Variants in PSKH1 observed in about 807,000 individuals in gnomAD.
PSKH1 encodes the protein protein serine kinase H1, also known as serine/threonine-protein kinase H1.
Under a neutral mutation model 26.7 loss-of-function variants are expected in PSKH1, and 12 were observed. The observed-to-expected ratio is 0.45, with a 90% CI of 0.29 to 0.73. PSKH1 has a LOEUF of 0.73. Ranked by LOEUF, PSKH1 falls within the 30% of genes least tolerant of loss-of-function variation. PSKH1 has a pLI of 0.11. For missense variants in PSKH1, 431 were observed against 595.2 expected, an observed-to-expected ratio of 0.72 and a Z score of 2.87; for synonymous variants, 213 against 234.3, an observed-to-expected ratio of 0.91 and a Z score of 0.83.
chr16:67,917,936 G>A (rs1052794109), intron 2 of PSKH1, among the ~76,000 whole-genome samples: 3 of 152,214 alleles, frequency 2.0e-5, no homozygotes, highest in Admixed American at 1.3e-4. Flanking sequence ...GGGCATGCTG[G>A]AAGTGGTGGG....
intron 1 of PSKH1, among the ~76,000 whole-genome samples, chr16:67,895,838 G>A (rs1400224160): frequency 6.6e-6 from 1 of 152,212 alleles, no homozygotes; most frequent in East Asian, 1.9e-4. Flanking sequence ...GACTCCTGTT[G>A]TGGTCTCATG....
intron 2 of PSKH1, among the ~76,000 whole-genome samples, chr16:67,914,929 T>G (rs1049423076): frequency 6.6e-6 from 1 of 152,126 alleles, no homozygotes; most frequent in Non-Finnish European, 1.5e-5. Context: ...GGAAGGACTC[T>G]GCTACAAGCC....
At chr16:67,901,570 C>A (rs1431522976) in intron 1 of PSKH1, among the ~76,000 whole-genome samples, 2 of 151,370 alleles carry the variant, frequency 1.3e-5, no homozygotes, top group South Asian at 2.1e-4. Context: ...TGAGCTCAGG[C>A]AATCCACCTG....
In PSKH1 at chr16:67,909,613, C is replaced by T. The variant is rs1249834582; in HGVS notation, c.864C>T (p.Tyr288=). 6.2e-7 allele frequency: 1 copy of T among 1,614,064 alleles called. No individual in the cohort carries two copies. The highest frequency in any genetic ancestry group is 1.1e-5 in the South Asian group (1 of 91,086). Residue 288 remains tyrosine (Y), a synonymous_variant, in exon 2 of 3, where the codon TAC becomes TAT. Coordinates refer to ENST00000291041, the MANE Select transcript of PSKH1 (RefSeq NM_006742.3). This position sits in a 1 kb window ranked among gnomAD's most constrained non-coding sequence, Gnocchi z 7.8. Reference sequence around the variant, plus strand: ...TGTGGGCGCTGGGCGTCATTGCCTACATCCTACTCAGTGGCACCATGCCGT... The same window carrying T: ...TGTGGGCGCTGGGCGTCATTGCCTATATCCTACTCAGTGGCACCATGCCGT... ...VDMWALGVIA[Y]ILLSGTMPFE...
At chr16:67,897,984 A>G (rs1238860959) in intron 1 of PSKH1, among the ~76,000 whole-genome samples, 1 of 152,052 alleles carries the variant, frequency 6.6e-6, no homozygotes, top group African/African-American at 2.4e-5. Context: ...AGTAGCTGGG[A>G]CTACAGGTGC....
intron 2 of PSKH1, among the ~76,000 whole-genome samples, chr16:67,926,348 C>T (rs929818538): frequency 2.0e-5 from 3 of 152,204 alleles, no homozygotes; most frequent in Admixed American, 6.5e-5. Context: ...TTCCTGTATG[C>T]GCAGCACCAG....
chr16:67,897,981 G>C (rs1340201573), intron 1 of PSKH1, among the ~76,000 whole-genome samples: 1 of 152,118 alleles, frequency 6.6e-6, no homozygotes, highest in Non-Finnish European at 1.5e-5. Context: ...CCGAGTAGCT[G>C]GGACTACAGG....
In PSKH1 at chr16:67,909,383, C is replaced by G. The variant is rs781041385; in HGVS notation, c.634C>G (p.Leu212Val). Residue 212 changes from leucine (L) to valine (V), a missense_variant, in exon 2 of 3, where the codon CTG becomes GTG. Physicochemically the swap from Leu to Val is conservative, Grantham distance 32. Transcript: ENST00000291041. This position sits in a 1 kb window ranked among gnomAD's most constrained non-coding sequence, Gnocchi z 7.8. Reference sequence around the variant, plus strand: ...GGATGGCGTCCGGTATCTGCATGCACTGGGCATCACACACCGAGACCTCAA... The same window carrying G: ...GGATGGCGTCCGGTATCTGCATGCAGTGGGCATCACACACCGAGACCTCAA... The part of the protein sequence containing the change: ...VLDGVRYLHA[L>V]GITHRDLKPE... The G allele has an allele frequency of 3.7e-6, 6 of 1,613,750 alleles. No homozygotes were observed. The highest frequency in any genetic ancestry group is 5.1e-6 in the Non-Finnish European group (6 of 1,179,996).
At chr16:67,919,634 G>C (rs1458816490) in intron 2 of PSKH1, among the ~76,000 whole-genome samples, 1 of 152,254 alleles carries the variant, frequency 6.6e-6, no homozygotes, top group Non-Finnish European at 1.5e-5. Context: ...CCCTCAGGCT[G>C]GATTCCTGAC....
chr16:67,920,833 T>A (rs565427391), intron 2 of PSKH1, among the ~76,000 whole-genome samples: 56 of 152,318 alleles, frequency 3.7e-4, no homozygotes, highest in Non-Finnish European at 2.9e-5. Context: ...GAAGGCTTAG[T>A]CACATTCATC....
Position 67,909,324 on chromosome 16 carries a change from A to G in PSKH1, c.575A>G (p.Glu192Gly), listed in dbSNP as rs376814861. 3 of 1,613,846 alleles carry G rather than the reference A, an allele frequency of 1.9e-6. No homozygotes were observed. Among genetic ancestry groups the G allele is most frequent in the African/African-American group, 2.7e-5 (2 of 74,876 alleles). The change falls in exon 2 of 3, where the codon GAG becomes GGG. Residue 192 changes from glutamate to glycine, a missense_variant. Glu to Gly is a moderately conservative substitution (Grantham distance 98). Coordinates refer to ENST00000291041, the MANE Select transcript of PSKH1 (RefSeq NM_006742.3). This position sits in a 1 kb window ranked among gnomAD's most constrained non-coding sequence, Gnocchi z 7.8. ...DRIIAKGSFT[E>G]RDATRVLQMV... ...ATCATTGCCAAGGGCTCCTTCACCG[A>G]GCGTGACGCCACGCGGGTGCTGCAG...
In PSKH1 at chr16:67,927,025, C is replaced by T. The variant is rs1041434553; in HGVS notation, c.958-300C>T. Among the ~76,000 whole-genome samples the T allele has an allele frequency of 3.3e-4, 50 of 152,304 alleles. No individual in the cohort carries two copies. The highest frequency in any genetic ancestry group is 1.1e-3 in the African/African-American group (47 of 41,554). The stretch of plus-strand genomic sequence containing the variant: ...CCCCTGAGTTATGATACTCCTGGGA[C>T]AAGTTCGGGGGGGTCTTGGCAGAGG... On this transcript the variant is annotated intron_variant, in intron 2 of 2. Transcript: ENST00000291041. The surrounding 1 kb of genome is among the most constrained non-coding windows in gnomAD (Gnocchi z 5.5).
At chr16:67,897,788 G>A (rs1377210099) in intron 1 of PSKH1, among the ~76,000 whole-genome samples, 2 of 152,184 alleles carry the variant, frequency 1.3e-5, no homozygotes, top group African/African-American at 2.4e-5. Context: ...CCGTGCTCAA[G>A]TGATTCTCCC....
chr16:67,926,659 C>T (rs577509246), intron 2 of PSKH1, among the ~76,000 whole-genome samples: 22 of 152,192 alleles, frequency 1.4e-4, no homozygotes, highest in Admixed American at 3.3e-4. Context: ...ATGAGGCTGG[C>T]GCACAGCACT....
At chr16:67,904,821 A>ATTTTT (rs942779122) in intron 1 of PSKH1, among the ~76,000 whole-genome samples, 3 of 115,948 alleles carry the variant, frequency 2.6e-5, no homozygotes, top group Admixed American at 8.7e-5. Context: ...TCCTTTTTTA[A>ATTTTT]TTTTTTTTTT....
intron 1 of PSKH1, among the ~76,000 whole-genome samples, chr16:67,901,844 C>A (rs560493675): frequency 6.6e-6 from 1 of 152,132 alleles, no homozygotes; most frequent in Admixed American, 6.5e-5. Flanking sequence ...CCTGGCTGGT[C>A]TCAGACTCCA....
intron 2 of PSKH1, among the ~76,000 whole-genome samples, chr16:67,925,980 G>A (rs1018448373): frequency 2.0e-5 from 3 of 152,086 alleles, no homozygotes; most frequent in African/African-American, 7.2e-5. Context: ...TGCCCTGAAG[G>A]TGGTCTCTCA....
At chr16:67,901,117 T>G (rs2058140570) in intron 1 of PSKH1, among the ~76,000 whole-genome samples, 1 of 152,100 alleles carries the variant, frequency 6.6e-6, no homozygotes, top group Admixed American at 6.6e-5. Flanking sequence ...GCACCCTCTC[T>G]TCTCTACTTT....
intron 2 of PSKH1, among the ~76,000 whole-genome samples, chr16:67,913,494 G>A (rs2058178849): frequency 6.6e-6 from 1 of 151,836 alleles, no homozygotes; most frequent in Non-Finnish European, 1.5e-5. Context: ...AGCCTGTCCT[G>A]GTGTTCTGGG....
Sources: allele counts gnomAD v4.1 joint callset (sites outside exome capture counted in the v4.1 genomes callset), GRCh38; gene constraint gnomAD v4.1.1; non-coding constraint Gnocchi (gnomAD v3.1); transcripts MANE v1.5; gene names NCBI Gene and HGNC (gene_info 2026-07-23, HGNC 2026-07-21).